PARD3: variants seen among roughly 807,000 people sequenced by gnomAD.
PARD3 encodes the protein par-3 family cell polarity regulator.
A neutral mutation model predicts 155.4 loss-of-function variants in PARD3; 75 were observed. That is an observed-to-expected ratio of 0.48 (90% CI 0.40 to 0.58). The LOEUF (loss-of-function observed/expected upper bound fraction) is 0.58. PARD3 is among the 20% of genes least tolerant of loss of function. The probability of loss-of-function intolerance (pLI) is 0.00; values close to 1 mark genes in which losing one functional copy is unlikely to be tolerated. For missense variants in PARD3, 1,642 were observed against 1,721.7 expected (o/e 0.95, Z 0.82); for synonymous variants, 576 against 610.5 (o/e 0.94, Z 0.83).
chr10:34,377,424 T>C (rs1003467211), intron 10 of PARD3, among the ~76,000 whole-genome samples: 2 of 151,902 alleles, frequency 1.3e-5, no homozygotes, highest in Non-Finnish European at 2.9e-5. Flanking sequence ...ACCCTGTCTC[T>C]ATGAAAAATA....
At chr10:34,586,730 C>G (rs1564382848) in intron 2 of PARD3, among the ~76,000 whole-genome samples, 1 of 152,154 alleles carries the variant, frequency 6.6e-6, no homozygotes, top group Non-Finnish European at 1.5e-5. Flanking sequence ...GTTGGATCAC[C>G]TGAGGTTAGG....
chr10:34,733,482 AGTTTT>A (rs888769156), intron 1 of PARD3, among the ~76,000 whole-genome samples: 1 of 152,108 alleles, frequency 6.6e-6, no homozygotes, highest in African/African-American at 2.4e-5. Flanking sequence ...ACATGATTAG[AGTTTT>A]GTTTTGTTTC....
chr10:34,786,759 T>C (rs914529185), intron 1 of PARD3, among the ~76,000 whole-genome samples: 1 of 152,202 alleles, frequency 6.6e-6, no homozygotes, highest in Non-Finnish European at 1.5e-5. Flanking sequence ...CACTTACTGC[T>C]TACTAGGGGC....
intron 2 of PARD3, among the ~76,000 whole-genome samples, chr10:34,572,646 A>C (rs2086519229): frequency 6.6e-6 from 1 of 151,990 alleles, no homozygotes; most frequent in South Asian, 2.1e-4. Flanking sequence ...GTCTCAAAAA[A>C]AAAAAAAAAA....
chr10:34,197,683 C>T (rs1337509754), intron 22 of PARD3, among the ~76,000 whole-genome samples: 1 of 152,198 alleles, frequency 6.6e-6, no homozygotes, highest in East Asian at 1.9e-4. Context: ...GAATTCTCCA[C>T]TATATTTTGC....
At chr10:34,135,605 C>A (rs1947852300) in intron 22 of PARD3, among the ~76,000 whole-genome samples, 1 of 152,186 alleles carries the variant, frequency 6.6e-6, no homozygotes, top group South Asian at 2.1e-4. Context: ...GATACCCATT[C>A]AGGCTAAAAG....
chr10:34,305,558 G>A (rs1444906446), intron 20 of PARD3, among the ~76,000 whole-genome samples: 2 of 152,178 alleles, frequency 1.3e-5, no homozygotes, highest in Non-Finnish European at 1.5e-5. Context: ...ATTTTAACAC[G>A]AACTCTTTGC....
intron 5 of PARD3, among the ~76,000 whole-genome samples, chr10:34,447,608 T>A (rs2076816967): frequency 6.8e-6 from 1 of 147,748 alleles, no homozygotes; most frequent in Admixed American, 6.9e-5. Context: ...CAAGACCACC[T>A]TGACCAACAT....
intron 1 of PARD3, among the ~76,000 whole-genome samples, chr10:34,814,046 C>T (rs549846924): frequency 2.0e-5 from 3 of 152,322 alleles, no homozygotes; most frequent in Admixed American, 2.0e-4. Context: ...CACTCAACTC[C>T]CAAGTCAGGC....
intron 7 of PARD3, among the ~76,000 whole-genome samples, chr10:34,388,443 G>C (rs570574164): frequency 2.5e-4 from 38 of 152,144 alleles, no homozygotes; most frequent in Non-Finnish European, 4.4e-4. Context: ...AGTAAGAAGA[G>C]ACACTTTCCT....
At chr10:34,274,277 C>T (rs750167077) in intron 21 of PARD3, among the ~76,000 whole-genome samples, 29 of 152,126 alleles carry the variant, frequency 1.9e-4, no homozygotes, top group Non-Finnish European at 3.5e-4. Context: ...TAAATTTTTA[C>T]GCCATTTATC....
At chr10:34,309,328 G>A (rs1957574011) in intron 20 of PARD3, among the ~76,000 whole-genome samples, 1 of 152,036 alleles carries the variant, frequency 6.6e-6, no homozygotes, top group African/African-American at 2.4e-5. Context: ...GGAGGCAGAG[G>A]CCAGAGGATT....
intron 3 of PARD3, among the ~76,000 whole-genome samples, chr10:34,510,703 A>G (rs1276217665): frequency 2.6e-5 from 4 of 152,080 alleles, no homozygotes; most frequent in Non-Finnish European, 5.9e-5. Context: ...TTTTTTTTTA[A>G]AGTACCTTTA....
At chr10:34,541,697 C>G (rs1043669108) in intron 2 of PARD3, among the ~76,000 whole-genome samples, 1 of 152,144 alleles carries the variant, frequency 6.6e-6, no homozygotes, top group Non-Finnish European at 1.5e-5. Flanking sequence ...GTGTCCACAT[C>G]CAAGGAAAAC....
chr10:34,417,980 A>C (rs1845830903), intron 5 of PARD3, among the ~76,000 whole-genome samples: 1 of 152,204 alleles, frequency 6.6e-6, no homozygotes, highest in Non-Finnish European at 1.5e-5. Flanking sequence ...TAAAAACTTA[A>C]GTTCATAAAA....
At chr10:34,519,907 A>G (rs2082036823) in intron 2 of PARD3, among the ~76,000 whole-genome samples, 1 of 136,700 alleles carries the variant, frequency 7.3e-6, no homozygotes, top group African/African-American at 2.5e-5. Context: ...AATCCCAAAG[A>G]GTAAAAAACT....
intron 2 of PARD3, among the ~76,000 whole-genome samples, chr10:34,598,627 C>G (rs1471299436): frequency 6.6e-6 from 1 of 152,340 alleles, no homozygotes; most frequent in Admixed American, 6.5e-5. Context: ...ACGCATGCTT[C>G]ATTTTAAACC....
chr10:34,479,403 C>T (rs2078927160), intron 3 of PARD3, among the ~76,000 whole-genome samples: 2 of 152,028 alleles, frequency 1.3e-5, no homozygotes, highest in Non-Finnish European at 2.9e-5. Context: ...CCTCATGATC[C>T]GCCCACCTCG....
At chr10:34,696,015 T>C (rs1167651599) in intron 2 of PARD3, among the ~76,000 whole-genome samples, 2 of 152,298 alleles carry the variant, frequency 1.3e-5, no homozygotes, top group Middle Eastern at 3.4e-3. Flanking sequence ...GATGTTATGT[T>C]TGGTTAAATT....
Sources: allele counts gnomAD v4.1 joint callset (sites outside exome capture counted in the v4.1 genomes callset), GRCh38; gene constraint gnomAD v4.1.1; transcripts MANE v1.5; gene names NCBI Gene and HGNC (gene_info 2026-07-23, HGNC 2026-07-21).